ARPC2: variants seen among roughly 807,000 people sequenced by gnomAD.
The protein encoded by ARPC2 is actin related protein 2/3 complex subunit 2.
ARPC2 carries 4 observed loss-of-function variants against 38.6 expected under a neutral mutation model. The observed-to-expected ratio is 0.10, with a 90% CI of 0.05 to 0.24. The LOEUF (loss-of-function observed/expected upper bound fraction) is 0.24. ARPC2 is among the 10% of genes least tolerant of loss of function. The probability of loss-of-function intolerance (pLI) is 1.00; values close to 1 mark genes in which losing one functional copy is unlikely to be tolerated. For synonymous variants in ARPC2, 125 were observed against 140.8 expected, an observed-to-expected ratio of 0.89 and a Z score of 0.79; for missense variants, 229 against 387.3, an observed-to-expected ratio of 0.59 and a Z score of 3.43.
rs1401113167 is a variant in ARPC2, at chr2:218,249,933, A to AG, written c.878+13dup. On this transcript the variant is annotated intron_variant, in intron 10 of 10. Transcript: ENST00000315717. ...ATGAAAACAATCACGTAAGTTAGGC[A>AG]GCACCCCAGCGACCACCTTCCTCTC... 1 of 1,591,732 alleles carries AG rather than the reference A, an allele frequency of 6.3e-7. No individual in the cohort carries two copies. The highest frequency in any genetic ancestry group is 8.6e-7 in the Non-Finnish European group (1 of 1,166,676).
chr2:218,252,753 C>T (rs1203239811), intron 10 of ARPC2, among the ~76,000 whole-genome samples: 1 of 152,236 alleles, frequency 6.6e-6, no homozygotes, highest in Non-Finnish European at 1.5e-5. Context: ...TAGGCAGCTG[C>T]TGCCCGATTC....
At chr2:218,235,793 A>C (rs1455630734) in intron 5 of ARPC2, 1 of 152,244 alleles carries the variant, frequency 6.6e-6, no homozygotes, top group East Asian at 1.9e-4. Context: ...AAAGTGTGTG[A>C]AAGTAGTGTC....
intron 4 of ARPC2, 74 bp from the exon 5 acceptor site, chr2:218,234,278 G>GTACTTTAAAATACTTTTAAAA (rs1689715497): frequency 8.2e-7 from 1 of 1,220,856 alleles, no homozygotes; most frequent in Non-Finnish European, 1.2e-6. Context: ...GGCAAGTGCA[G>GTACTTTAAAATACTTTTAAAA]TACTTTAAAA....
At chr2:218,222,035 A>G (rs998476138) in intron 2 of ARPC2, among the ~76,000 whole-genome samples, 13 of 152,224 alleles carry the variant, frequency 8.5e-5, no homozygotes, top group African/African-American at 3.1e-4. Flanking sequence ...TGGGAGGCCA[A>G]GGAGGGCGGA....
chr2:218,226,626 C>CAAA (rs34789459), intron 3 of ARPC2, among the ~76,000 whole-genome samples: 41 of 61,438 alleles, frequency 6.7e-4, no homozygotes, highest in African/African-American at 1.7e-3. Context: ...GACTCCATCT[C>CAAA]AAAAAAAAAA....
intron 8 of ARPC2, among the ~76,000 whole-genome samples, chr2:218,246,232 A>G (rs1559482897): frequency 2.0e-5 from 3 of 151,408 alleles, no homozygotes; most frequent in African/African-American, 4.9e-5. Context: ...AAAAAAAAAA[A>G]AGAGTTGAGG....
chr2:218,238,910 C>A (rs1574587498), intron 6 of ARPC2, 60 bp downstream of exon 6: 1 of 1,322,652 alleles, frequency 7.6e-7, no homozygotes, highest in Non-Finnish European at 1.1e-6. Flanking sequence ...ATGGCACTTA[C>A]TGAAAGAAAT....
At chr2:218,220,479 C>T (rs146268917) in intron 2 of ARPC2, among the ~76,000 whole-genome samples, 123 of 152,318 alleles carry the variant, frequency 8.1e-4, no homozygotes, top group Middle Eastern at 6.8e-3. Context: ...AGACATGGAA[C>T]ATTTCCATTA....
chr2:218,253,030 A>G (rs1005136583), intron 10 of ARPC2: 3 of 456,344 alleles, frequency 6.6e-6, no homozygotes, highest in African/African-American at 6.0e-5. Context: ...TATGTTACTA[A>G]TGGTGGGTAG....
At chr2:218,243,359 CA>C (rs1423555175) in intron 7 of ARPC2, among the ~76,000 whole-genome samples, 10 of 152,186 alleles carry the variant, frequency 6.6e-5, no homozygotes, top group African/African-American at 2.2e-4. Flanking sequence ...AGTAAAAAGG[CA>C]ATATTGCTTG....
chr2:218,226,271 G>A (rs543903525), intron 3 of ARPC2, among the ~76,000 whole-genome samples: 1 of 144,470 alleles, frequency 6.9e-6, no homozygotes, highest in South Asian at 2.2e-4. Flanking sequence ...CAGCCTGGGC[G>A]ATACAGTGAG....
At chr2:218,231,503 A>G (rs75363409) in intron 4 of ARPC2, among the ~76,000 whole-genome samples, 2,453 of 152,302 alleles carry the variant, frequency 0.016, 71 homozygotes, top group African/African-American at 0.056. Context: ...ACAGACTTGT[A>G]GCTCAGAGGT....
intron 7 of ARPC2, among the ~76,000 whole-genome samples, chr2:218,244,579 TATC>T (rs1490105076): frequency 2.6e-5 from 4 of 152,166 alleles, no homozygotes; most frequent in Admixed American, 6.5e-5. Flanking sequence ...AATGGTAAAA[TATC>T]ATAGTAGAGG....
intron 4 of ARPC2, among the ~76,000 whole-genome samples, chr2:218,232,488 G>A (rs776444909): frequency 2.0e-5 from 3 of 151,778 alleles, no homozygotes; most frequent in African/African-American, 2.4e-5. Context: ...AAGGGCCTTC[G>A]TGCCCTTTCC....
At chr2:218,234,946 A>T (rs1689733093) in intron 5 of ARPC2, 5 of 440,060 alleles carry the variant, frequency 1.1e-5, no homozygotes, top group Middle Eastern at 3.3e-4. Context: ...TTTAAAAAGG[A>T]GGTTTAAAGT....
At chr2:218,250,391 C>T (rs1690156918) in intron 10 of ARPC2, among the ~76,000 whole-genome samples, 1 of 152,082 alleles carries the variant, frequency 6.6e-6, no homozygotes, top group Non-Finnish European at 1.5e-5. Context: ...GTGACGGGCG[C>T]TGTGGCTCAC....
At position 218,249,493 on chromosome 2, in the gene ARPC2, T is replaced by C. The variant is rs1401977168; in HGVS notation, c.777+29T>C. On this transcript the variant is annotated intron_variant, in intron 9 of 10. Coordinates refer to ENST00000315717, the MANE Select transcript of ARPC2 (RefSeq NM_152862.3). ...AGGGGGGTGCCAGCATCTCAGCCTC[T>C]ATGCTCTGGGTCTTTTCCTCCACCA... 2.0e-6 allele frequency: 3 copies of C among 1,517,138 alleles called. No individual in the cohort carries two copies. The South Asian group carries it at 3.5e-5, about 18-fold the overall frequency. 94.0% of individuals were successfully genotyped at this position (1,517,138 alleles called of 1,614,324 possible). A position where few individuals can be genotyped will look rare whatever the true frequency, so the allele number is the denominator to read the frequency against.
At chr2:218,218,373 C>T (rs1409831945) in intron 2 of ARPC2, among the ~76,000 whole-genome samples, 1 of 152,194 alleles carries the variant, frequency 6.6e-6, no homozygotes, top group East Asian at 1.9e-4. Flanking sequence ...CCTGTCTTTA[C>T]GATTGGACTT....
intron 7 of ARPC2, among the ~76,000 whole-genome samples, chr2:218,243,242 C>CTAAATGCCTT: frequency 6.6e-6 from 1 of 152,264 alleles, no homozygotes; most frequent in Admixed American, 6.5e-5. Flanking sequence ...TTATCATATG[C>CTAAATGCCTT]TAAATGCCTT....
Sources: gnomAD v4.1 joint callset for allele counts (sites outside exome capture counted in the v4.1 genomes callset) on GRCh38, gnomAD v4.1.1 for gene constraint, MANE v1.5 for transcripts, NCBI Gene and HGNC (gene_info 2026-07-23, HGNC 2026-07-21) for gene names.